Variants in ANKRD6 observed in about 807,000 individuals in gnomAD.
The protein encoded by ANKRD6 is ankyrin repeat domain-containing protein 6.
In ANKRD6, 56 loss-of-function variants were observed where a neutral mutation model predicts 82.3. That is an observed-to-expected ratio of 0.68 (90% CI 0.55 to 0.85). The LOEUF (loss-of-function observed/expected upper bound fraction) is 0.85. Among genes scored for constraint, ANKRD6 ranks in the 40% least tolerant of loss-of-function variants. ANKRD6 has a pLI of 0.00. For synonymous variants in ANKRD6, 347 were observed against 352.1 expected (o/e 0.99, Z 0.16); for missense variants, 852 against 907.6 (o/e 0.94, Z 0.79).
intron 2 of ANKRD6, among the ~76,000 whole-genome samples, chr6:89,584,850 T>C (rs1433275159): frequency 6.6e-6 from 1 of 152,158 alleles, no homozygotes; most frequent in Non-Finnish European, 1.5e-5. Flanking sequence ...GCCTACAGAT[T>C]CAGTTCCTGG....
At chr6:89,585,018 T>G (rs1484796265) in intron 2 of ANKRD6, among the ~76,000 whole-genome samples, 1 of 152,110 alleles carries the variant, frequency 6.6e-6, no homozygotes, top group Non-Finnish European at 1.5e-5. Flanking sequence ...GGGCCCCATC[T>G]CCAAATACCA....
intron 1 of ANKRD6, among the ~76,000 whole-genome samples, chr6:89,549,985 A>G (rs952948280): frequency 2.0e-5 from 3 of 152,138 alleles, no homozygotes; most frequent in Non-Finnish European, 4.4e-5. Context: ...AGACCTAGCT[A>G]CTCAGGAGGC....
intron 1 of ANKRD6, among the ~76,000 whole-genome samples, chr6:89,477,552 A>G (rs890439074): frequency 1.6e-4 from 24 of 151,698 alleles, no homozygotes; most frequent in Admixed American, 1.5e-3. Context: ...CGGGCGGATC[A>G]TGAGGTCAGG....
chr6:89,624,292 G>C (rs1363909493), intron 12 of ANKRD6, among the ~76,000 whole-genome samples: 2 of 152,176 alleles, frequency 1.3e-5, no homozygotes, highest in African/African-American at 4.8e-5. Flanking sequence ...CAGGTGACTA[G>C]GTATCTTGAG....
At chr6:89,573,227 T>C (rs1790344678) in intron 2 of ANKRD6, among the ~76,000 whole-genome samples, 1 of 152,250 alleles carries the variant, frequency 6.6e-6, no homozygotes, top group African/African-American at 2.4e-5. Flanking sequence ...ATGTAAATGC[T>C]GCTCACTGGT....
chr6:89,438,486 A>G (rs1297412117), intron 1 of ANKRD6, among the ~76,000 whole-genome samples: 1 of 152,344 alleles, frequency 6.6e-6, no homozygotes, highest in South Asian at 2.1e-4. Context: ...CAAGGAAGCT[A>G]GGAAATACAG....
At chr6:89,456,312 T>TA (rs1773504269) in intron 1 of ANKRD6, among the ~76,000 whole-genome samples, 1 of 152,174 alleles carries the variant, frequency 6.6e-6, no homozygotes, top group Non-Finnish European at 1.5e-5. Flanking sequence ...CTCTCTATCT[T>TA]AGTTTGCCAG....
intron 1 of ANKRD6, among the ~76,000 whole-genome samples, chr6:89,538,645 C>T (rs1357798813): frequency 6.6e-6 from 1 of 152,164 alleles, no homozygotes; most frequent in African/African-American, 2.4e-5. Flanking sequence ...GGTCAAGACT[C>T]TATCATGTGT....
rs1422662844 is a variant in ANKRD6, at chr6:89,603,040, C to T, written c.231C>T (p.Thr77=). 2 of 1,604,490 alleles carry T rather than the reference C, an allele frequency of 1.2e-6. No individual in the cohort carries two copies. The highest frequency in any genetic ancestry group is 2.2e-5 in the East Asian group (1 of 44,468). ...DLDVQDDGDQ[T]ALHRATVVGN... The stretch of plus-strand genomic sequence containing the variant: ...GTGTCACTTTGCAGGGGGACCAGAC[C>T]GCCTTGCACCGGGCCACAGTGGTGG... Residue 77 remains threonine (T), a synonymous_variant, in exon 4 of 16, where the codon ACC becomes ACT. Coordinates refer to ENST00000339746, the MANE Select transcript of ANKRD6 (RefSeq NM_001242809.2).
chr6:89,629,596 G>A (rs1806883284), intron 15 of ANKRD6: 1 of 309,210 alleles, frequency 3.2e-6, no homozygotes, highest in African/African-American at 2.2e-5. Flanking sequence ...TGCCTTTTGT[G>A]CCTTTTACCT....
chr6:89,618,158 G>T, intron 9 of ANKRD6, 127 bp downstream of exon 9: 1 of 1,021,402 alleles, frequency 9.8e-7, no homozygotes. Context: ...GGCAGTGGAG[G>T]TATAGGCATG....
At chr6:89,585,399 A>G (rs1318766892) in intron 2 of ANKRD6, among the ~76,000 whole-genome samples, 1 of 152,220 alleles carries the variant, frequency 6.6e-6, no homozygotes, top group African/African-American at 2.4e-5. Context: ...AAGAAGTCCT[A>G]GACATGGATG....
At chr6:89,523,306 G>A (rs1782092019) in intron 1 of ANKRD6, among the ~76,000 whole-genome samples, 1 of 152,206 alleles carries the variant, frequency 6.6e-6, no homozygotes, top group Non-Finnish European at 1.5e-5. Context: ...GGGATGGAGG[G>A]CCAGCTCTTA....
In ANKRD6 at chr6:89,631,692, GT is replaced by G. The variant is rs1258766178; in HGVS notation, c.*691del. ...AGATCAAATGAGAAAGATTCAAATT[GT>G]TTGTTATTTTCTGTATTTTCAGTCA... On this transcript the variant is annotated 3_prime_UTR_variant, in exon 16 of 16. Coordinates refer to ENST00000339746, the MANE Select transcript of ANKRD6 (RefSeq NM_001242809.2). 2 of 151,888 alleles carry G rather than the reference GT, an allele frequency of 1.3e-5. No individual in the cohort carries two copies. The highest frequency in any genetic ancestry group is 2.9e-5 in the Non-Finnish European group (2 of 67,964). The allele number at this position is 151,888 out of a possible 1,614,324, so 9.4% of individuals were successfully genotyped here. A position where few individuals can be genotyped will look rare whatever the true frequency, so the allele number is the denominator to read the frequency against.
intron 2 of ANKRD6, among the ~76,000 whole-genome samples, chr6:89,594,839 C>T (rs937349898): frequency 6.6e-6 from 1 of 152,034 alleles, no homozygotes; most frequent in African/African-American, 2.4e-5. Flanking sequence ...ACCTCCTGGG[C>T]TCAAGTGATC....
chr6:89,494,720 C>T (rs1778395586), intron 1 of ANKRD6, among the ~76,000 whole-genome samples: 1 of 152,292 alleles, frequency 6.6e-6, no homozygotes, highest in South Asian at 2.1e-4. Flanking sequence ...ATGAGGACAG[C>T]AGTTTAGAGG....
intron 12 of ANKRD6, 169 bp from the exon 13 acceptor site, chr6:89,624,370 C>T (rs888444135): frequency 1.2e-6 from 1 of 844,308 alleles, no homozygotes; most frequent in Non-Finnish European, 1.8e-6. Context: ...TTAGTGTCTG[C>T]TACACCCAAA....
At chr6:89,598,074 C>T in intron 3 of ANKRD6, 1 of 978,972 alleles carries the variant, frequency 1.0e-6, no homozygotes, top group Non-Finnish European at 1.2e-6. Flanking sequence ...GAATTTACTC[C>T]TAACTTCATA....
chr6:89,555,945 C>G (rs141879093), intron 1 of ANKRD6, among the ~76,000 whole-genome samples: 11 of 152,104 alleles, frequency 7.2e-5, no homozygotes, highest in African/African-American at 2.7e-4. Flanking sequence ...GGGAGAGTAA[C>G]GTGGCAGAAT....
Sources: gnomAD v4.1 joint callset for allele counts (sites outside exome capture counted in the v4.1 genomes callset) on GRCh38, gnomAD v4.1.1 for gene constraint, MANE v1.5 for transcripts, NCBI Gene and HGNC (gene_info 2026-07-23, HGNC 2026-07-21) for gene names.